Variants in SYNJ2BP observed in about 807,000 individuals in gnomAD.
The protein encoded by SYNJ2BP is synaptojanin-2-binding protein.
A neutral mutation model predicts 16.9 loss-of-function variants in SYNJ2BP; 10 were observed. The observed-to-expected ratio is 0.59, with a 90% CI of 0.36 to 1.00. SYNJ2BP has a LOEUF of 1.00. Ranked by LOEUF, SYNJ2BP falls within the 50% of genes least tolerant of loss-of-function variation. SYNJ2BP has a pLI of 0.01. For synonymous variants in SYNJ2BP, 54 were observed against 68.4 expected, an observed-to-expected ratio of 0.79 and a Z score of 1.04; for missense variants, 162 against 186.7, an observed-to-expected ratio of 0.87 and a Z score of 0.77.
Position 70,368,472 on chromosome 14 carries a change from T to G in SYNJ2BP, c.*4519A>C, listed in dbSNP as rs1436093794. 1 of 152,210 alleles carries G rather than the reference T, an allele frequency of 6.6e-6. No individual in the cohort carries two copies. The highest frequency in any genetic ancestry group is 1.5e-5 in the Non-Finnish European group (1 of 68,030). 9.4% of individuals were successfully genotyped at this position (152,210 alleles called of 1,614,324 possible). On this transcript the variant is annotated 3_prime_UTR_variant, in exon 4 of 4. Transcript: ENST00000256366. ...TTAGCTTCCCTCTCTGAGCCTTTATTTTTCTCATCTCTAAGACAGATTCAT... is the reference window on the plus strand; with the variant it reads ...TTAGCTTCCCTCTCTGAGCCTTTATGTTTCTCATCTCTAAGACAGATTCAT...
chr14:70,372,618 C>G lies in SYNJ2BP; in HGVS notation c.*373G>C, dbSNP rs149132579. On this transcript the variant is annotated 3_prime_UTR_variant, in exon 4 of 4. Transcript: ENST00000256366. Reference sequence around the variant, plus strand: ...AGGAAGATCATTAAAAAGAAAAATCCTTTCTTCCTCTAATATCACATAGCT... The same window carrying G: ...AGGAAGATCATTAAAAAGAAAAATCGTTTCTTCCTCTAATATCACATAGCT... 1 of 165,522 alleles carries G rather than the reference C, an allele frequency of 6.0e-6. No homozygotes were observed. Among genetic ancestry groups the G allele is most frequent in the African/African-American group, 2.4e-5 (1 of 42,046 alleles). The allele number at this position is 165,522 out of a possible 1,614,324, so 10.3% of individuals were successfully genotyped here.
chr14:70,417,038 C>T lies in SYNJ2BP; in HGVS notation c.-75G>A. 1.9e-6 allele frequency: 3 copies of T among 1,610,544 alleles called. No homozygotes were observed. The highest frequency in any genetic ancestry group is 1.7e-6 in the Non-Finnish European group (2 of 1,178,140). ...AGGTGAAGGTGAATCAATCTCGGCGCTGCGCCCACAGCACAGCGGTTTCGG... is the reference window on the plus strand; with the variant it reads ...AGGTGAAGGTGAATCAATCTCGGCGTTGCGCCCACAGCACAGCGGTTTCGG... On this transcript the variant is annotated 5_prime_UTR_variant, in exon 1 of 4. Coordinates refer to ENST00000256366, the MANE Select transcript of SYNJ2BP (RefSeq NM_018373.3).
intron 3 of SYNJ2BP, among the ~76,000 whole-genome samples, chr14:70,374,281 G>A (rs1887577437): frequency 6.6e-6 from 1 of 152,192 alleles, no homozygotes; most frequent in Non-Finnish European, 1.5e-5. Context: ...AGCAACTGAT[G>A]ACCAATATTA....
At position 70,371,535 on chromosome 14, in the gene SYNJ2BP, C is replaced by T. The variant is rs1887518311; in HGVS notation, c.*1456G>A. The stretch of plus-strand genomic sequence containing the variant: ...CCTGGTTCAAACAGTTCTCCTGCCT[C>T]AGCCTCCTGAGTAGCTGGAATTACA... On this transcript the variant is annotated 3_prime_UTR_variant, in exon 4 of 4. Transcript: ENST00000256366. The T allele has an allele frequency of 6.6e-6, 1 of 152,312 alleles. No individual in the cohort carries two copies. The highest frequency in any genetic ancestry group is 1.5e-5 in the Non-Finnish European group (1 of 68,144). 9.4% of individuals were successfully genotyped at this position (152,312 alleles called of 1,614,324 possible).
chr14:70,384,091 C>T (rs7147906), intron 2 of SYNJ2BP, among the ~76,000 whole-genome samples: 132,852 of 152,084 alleles, frequency 0.87, 58,080 homozygotes, highest in East Asian at 0.93. Context: ...CATGCAGTTA[C>T]TTAATTTTAG....
chr14:70,408,560 C>T (rs930286030), intron 1 of SYNJ2BP, among the ~76,000 whole-genome samples: 6 of 151,754 alleles, frequency 4.0e-5, no homozygotes, highest in African/African-American at 1.5e-4. Flanking sequence ...GTAATCCCAG[C>T]TACTTGGGAG....
At chr14:70,390,646 C>T (rs1229676157) in intron 1 of SYNJ2BP, among the ~76,000 whole-genome samples, 4 of 149,250 alleles carry the variant, frequency 2.7e-5, no homozygotes, top group South Asian at 2.1e-4. Flanking sequence ...CCAGCCTGGG[C>T]GACAGAGCAA....
chr14:70,411,326 T>C (rs1196331850), intron 1 of SYNJ2BP, among the ~76,000 whole-genome samples: 3 of 152,190 alleles, frequency 2.0e-5, no homozygotes, highest in Admixed American at 6.5e-5. Flanking sequence ...AATCTGTAAA[T>C]GATGTATAAT....
chr14:70,405,644 G>A (rs985292929), intron 1 of SYNJ2BP, among the ~76,000 whole-genome samples: 4 of 152,082 alleles, frequency 2.6e-5, no homozygotes, highest in Non-Finnish European at 5.9e-5. Flanking sequence ...ATTAAAAAAG[G>A]GTTATGGGAA....
At position 70,369,331 on chromosome 14, in the gene SYNJ2BP, G is replaced by C. The variant is rs76216008; in HGVS notation, c.*3660C>G. On this transcript the variant is annotated 3_prime_UTR_variant, in exon 4 of 4. Transcript: ENST00000256366. ...CTGGTCTCAAAACTCCTGAGCTCAA[G>C]TGACCCACCTGCCTAGGCCTCCTAG... The C allele has an allele frequency of 0.015, 2,332 of 152,308 alleles. 36 individuals are homozygous for C. Among genetic ancestry groups the C allele is most frequent in the South Asian group, 0.035 (170 of 4,820 alleles). 9.4% of individuals were successfully genotyped at this position (152,308 alleles called of 1,614,324 possible). A position where few individuals can be genotyped will look rare whatever the true frequency, so the allele number is the denominator to read the frequency against.
rs1296215604 is a variant in SYNJ2BP, at chr14:70,396,195, T to C, written c.65-7589A>G. ...CAGCAGTGGCGCGATCTCCGCTCAC[T>C]GAAAGCTCCGCCTCCCAGGTTCACT... On this transcript the variant is annotated intron_variant, in intron 1 of 3. Coordinates refer to ENST00000256366, the MANE Select transcript of SYNJ2BP (RefSeq NM_018373.3). Among the ~76,000 whole-genome samples the C allele has an allele frequency of 5.3e-5, 8 of 152,302 alleles. No homozygotes were observed. In the East Asian group the frequency reaches 1.5e-3, roughly 29 times the overall value.
At chr14:70,377,959 A>C (rs1175030555) in intron 2 of SYNJ2BP, among the ~76,000 whole-genome samples, 1 of 152,192 alleles carries the variant, frequency 6.6e-6, no homozygotes, top group Non-Finnish European at 1.5e-5. Context: ...GTAATCTCAC[A>C]ATGTATGAGG....
chr14:70,378,495 T>C (rs373886358), intron 2 of SYNJ2BP, among the ~76,000 whole-genome samples: 3 of 148,310 alleles, frequency 2.0e-5, no homozygotes, highest in African/African-American at 7.5e-5. Flanking sequence ...GGTGTGATCA[T>C]GGCTGACTGG....
chr14:70,383,847 G>A (rs563125045), intron 2 of SYNJ2BP, among the ~76,000 whole-genome samples: 1 of 151,964 alleles, frequency 6.6e-6, no homozygotes, highest in African/African-American at 2.4e-5. Context: ...ATGCAACATG[G>A]CCTTAAAAAT....
At chr14:70,415,837 T>C (rs996167872) in intron 1 of SYNJ2BP, among the ~76,000 whole-genome samples, 15 of 152,210 alleles carry the variant, frequency 9.9e-5, no homozygotes, top group African/African-American at 3.4e-4. Context: ...TAGCTATTTA[T>C]CCATTAACAG....
In SYNJ2BP at chr14:70,372,939, G is replaced by A; in HGVS notation, c.*52C>T. On this transcript the variant is annotated 3_prime_UTR_variant, in exon 4 of 4. Coordinates refer to ENST00000256366, the MANE Select transcript of SYNJ2BP (RefSeq NM_018373.3). ...AAGACATGGCAGAATAGCAGGGGTGGAGGGTGAGTGAAATGTATCTTCATT... is the reference window on the plus strand; with the variant it reads ...AAGACATGGCAGAATAGCAGGGGTGAAGGGTGAGTGAAATGTATCTTCATT... 6 of 1,605,920 alleles carry A rather than the reference G, an allele frequency of 3.7e-6. No homozygotes were observed. Among genetic ancestry groups the A allele is most frequent in the Middle Eastern group, 1.7e-4 (1 of 6,038 alleles).
intron 1 of SYNJ2BP, among the ~76,000 whole-genome samples, chr14:70,401,796 C>G (rs1390996626): frequency 1.3e-5 from 2 of 151,934 alleles, no homozygotes; most frequent in Non-Finnish European, 2.9e-5. Flanking sequence ...GAGCACACCA[C>G]CACACCCAGC....
intron 1 of SYNJ2BP, among the ~76,000 whole-genome samples, chr14:70,393,862 TAA>T (rs1888030958): frequency 6.6e-6 from 1 of 151,324 alleles, no homozygotes; most frequent in Non-Finnish European, 1.5e-5. Flanking sequence ...ATGCGGAGCT[TAA>T]AACCTAGATA....
At chr14:70,395,725 C>A (rs1340223096) in intron 1 of SYNJ2BP, among the ~76,000 whole-genome samples, 1 of 152,196 alleles carries the variant, frequency 6.6e-6, no homozygotes, top group Non-Finnish European at 1.5e-5. Context: ...ATCATCACCA[C>A]CACCTATATC....
Sources: allele counts gnomAD v4.1 joint callset (sites outside exome capture counted in the v4.1 genomes callset), GRCh38; gene constraint gnomAD v4.1.1; transcripts MANE v1.5; gene names NCBI Gene and HGNC (gene_info 2026-07-23, HGNC 2026-07-21).